Variants in POU2F1 observed in about 807,000 individuals in gnomAD.
POU2F1 encodes POU domain, class 2, transcription factor 1.
A neutral mutation model predicts 84.9 loss-of-function variants in POU2F1; 16 were observed. The ratio of observed to expected loss-of-function variants is 0.19; its 90% CI spans 0.13 to 0.29. POU2F1 has a LOEUF of 0.29. Among genes scored for constraint, POU2F1 ranks in the 10% least tolerant of loss-of-function variants. The pLI, the probability that POU2F1 is intolerant of heterozygous loss-of-function variation, is 1.00. For synonymous variants in POU2F1, 368 were observed against 368.3 expected, an observed-to-expected ratio of 1.00 and a Z score of 0.01; for missense variants, 738 against 942.6, an observed-to-expected ratio of 0.78 and a Z score of 2.84.
chr1:167,389,562 T>A, intron 8 of POU2F1, 26 bp from the exon 9 acceptor site: 1 of 1,612,986 alleles, frequency 6.2e-7, no homozygotes, highest in Non-Finnish European at 8.5e-7. Flanking sequence ...GTGTTTTTCC[T>A]CATTGTTTTA....
At chr1:167,221,080 G>A (rs1002147915) in intron 1 of POU2F1, 122 bp downstream of exon 1, 10 of 913,858 alleles carry the variant, frequency 1.1e-5, no homozygotes, top group African/African-American at 3.3e-5. Context: ...GCGGGGAGAT[G>A]GGGGGCCGGG....
intron 2 of POU2F1, among the ~76,000 whole-genome samples, chr1:167,361,018 A>G (rs977829638): frequency 1.3e-5 from 2 of 151,864 alleles, no homozygotes; most frequent in African/African-American, 2.4e-5. Context: ...TTGGTTTTCA[A>G]CTTGAACGTT....
At chr1:167,378,844 G>A (rs1011111457) in intron 7 of POU2F1, among the ~76,000 whole-genome samples, 2 of 151,392 alleles carry the variant, frequency 1.3e-5, no homozygotes, top group Non-Finnish European at 3.0e-5. Context: ...CCTCTGCCTC[G>A]CGAGTTCAAG....
chr1:167,421,793 AAAT>A lies in POU2F1; in HGVS notation c.*5987_*5989del, dbSNP rs1243328095. ...AGTGAAAAAATTTTATAAATAGTGGAAATAATTCTAGCTGTAGCATTTAGTTGA... is the reference window on the plus strand; with the variant it reads ...AGTGAAAAAATTTTATAAATAGTGGAAATTCTAGCTGTAGCATTTAGTTGA... On this transcript the variant is annotated 3_prime_UTR_variant, in exon 16 of 16. Transcript: ENST00000367866. The A allele has an allele frequency of 6.6e-6, 1 of 152,156 alleles. No homozygotes were observed. The highest frequency in any genetic ancestry group is 1.5e-5 in the Non-Finnish European group (1 of 68,032). 9.4% of individuals were successfully genotyped at this position (152,156 alleles called of 1,614,324 possible). A position where few individuals can be genotyped will look rare whatever the true frequency, so the allele number is the denominator to read the frequency against.
At chr1:167,270,424 T>C (rs1373152641) in intron 1 of POU2F1, among the ~76,000 whole-genome samples, 2 of 152,150 alleles carry the variant, frequency 1.3e-5, no homozygotes, top group Non-Finnish European at 2.9e-5. Context: ...TTTATGTACT[T>C]GGCAGCAAAA....
intron 1 of POU2F1, among the ~76,000 whole-genome samples, chr1:167,231,610 C>G (rs1333012212): frequency 6.6e-6 from 1 of 152,186 alleles, no homozygotes. Context: ...TTGTAATGTA[C>G]TGAGCACTGG....
rs146654116 is a variant in POU2F1 at position 167,255,140 on chromosome 1, A to G, written c.61+34182A>G. ...TAATGCACGTTTGCTTTTGAGTACC[A>G]TAGGAATAAAACAAGTCTCATTCAA... On this transcript the variant is annotated intron_variant, in intron 1 of 15. Transcript: ENST00000367866. 2.8e-3 allele frequency among the ~76,000 whole-genome samples: 425 copies of G among 152,348 alleles called. 8 individuals are homozygous for G. Among genetic ancestry groups the G allele is most frequent in the East Asian group, 0.024 (127 of 5,184 alleles).
intron 7 of POU2F1, among the ~76,000 whole-genome samples, 155 bp downstream of exon 7, chr1:167,376,310 G>T (rs1164858067): frequency 2.6e-5 from 4 of 152,126 alleles, no homozygotes; most frequent in Non-Finnish European, 4.4e-5. Context: ...AAAAAGTTTT[G>T]TTTTGTTTTT....
At chr1:167,334,103 A>C (rs1657260775) in intron 2 of POU2F1, among the ~76,000 whole-genome samples, 1 of 151,278 alleles carries the variant, frequency 6.6e-6, no homozygotes, top group Non-Finnish European at 1.5e-5. Flanking sequence ...TAATGCTACT[A>C]CTGTAATAGC....
chr1:167,329,449 C>T, intron 1 of POU2F1: 5 of 922,220 alleles, frequency 5.4e-6, no homozygotes, highest in South Asian at 2.0e-5. Flanking sequence ...AGGAGGAAAG[C>T]ATTTGCAAAG....
chr1:167,239,256 C>G (rs1353181147), intron 1 of POU2F1, among the ~76,000 whole-genome samples: 1 of 152,174 alleles, frequency 6.6e-6, no homozygotes, highest in Non-Finnish European at 1.5e-5. Flanking sequence ...ATTAAATAGT[C>G]TACTTTAAAA....
chr1:167,411,560 G>C (rs1290473820), intron 13 of POU2F1, among the ~76,000 whole-genome samples: 1 of 152,018 alleles, frequency 6.6e-6, no homozygotes, highest in African/African-American at 2.4e-5. Flanking sequence ...TCTTCTCCTT[G>C]TTTTGATTTT....
At chr1:167,364,638 C>T (rs1659564108) in intron 2 of POU2F1, among the ~76,000 whole-genome samples, 1 of 141,632 alleles carries the variant, frequency 7.1e-6, no homozygotes, top group South Asian at 2.4e-4. Flanking sequence ...AGTGCAGTGG[C>T]GTGATCTCGG....
chr1:167,324,150 A>G (rs78368998), intron 1 of POU2F1, among the ~76,000 whole-genome samples: 4,027 of 152,336 alleles, frequency 0.026, 173 homozygotes, highest in African/African-American at 0.09. Flanking sequence ...GCTATAAAAT[A>G]GTAGGGATAA....
intron 2 of POU2F1, among the ~76,000 whole-genome samples, chr1:167,354,196 G>C (rs1658783116): frequency 6.6e-6 from 1 of 152,070 alleles, no homozygotes; most frequent in African/African-American, 2.4e-5. Flanking sequence ...GTTATTTCTA[G>C]GCTTTTGCTA....
intron 2 of POU2F1, among the ~76,000 whole-genome samples, chr1:167,339,548 T>G (rs1326400906): frequency 6.6e-6 from 1 of 152,210 alleles, no homozygotes; most frequent in Non-Finnish European, 1.5e-5. Flanking sequence ...CATTAAAGTT[T>G]TGCTCACTTT....
intron 5 of POU2F1, 55 bp from the exon 6 acceptor site, chr1:167,374,053 A>C: frequency 1.9e-6 from 3 of 1,560,564 alleles, no homozygotes; most frequent in South Asian, 2.2e-5. Context: ...GTTGGCTTGC[A>C]TTAGGAGACT....
At chr1:167,371,756 G>GTA (rs1215415917) in intron 4 of POU2F1, among the ~76,000 whole-genome samples, 161 bp from the exon 5 acceptor site, 3 of 152,134 alleles carry the variant, frequency 2.0e-5, no homozygotes, top group African/African-American at 7.2e-5. Flanking sequence ...TAAAAACTTG[G>GTA]TATGTGAAAC....
intron 1 of POU2F1, among the ~76,000 whole-genome samples, chr1:167,232,824 C>CA (rs905325115): frequency 6.8e-6 from 1 of 147,212 alleles, no homozygotes; most frequent in African/African-American, 2.5e-5. Flanking sequence ...GCCTGGGTGA[C>CA]AGAGTGTGAG....
Sources: allele counts gnomAD v4.1 joint callset (sites outside exome capture counted in the v4.1 genomes callset), GRCh38; gene constraint gnomAD v4.1.1; transcripts MANE v1.5; gene names NCBI Gene and HGNC (gene_info 2026-07-23, HGNC 2026-07-21).